The following NEK10 variants were observed in gnomAD, a reference collection of about 807,000 sequenced individuals.
NEK10 encodes serine/threonine-protein kinase Nek10.
Under a neutral mutation model 159.8 loss-of-function variants are expected in NEK10, and 122 were observed. The observed-to-expected ratio is 0.76, with a 90% confidence interval of 0.66 to 0.89. NEK10 has a LOEUF of 0.89. NEK10 is among the 40% of genes least tolerant of loss of function. The pLI is 0.00. For synonymous variants in NEK10, 466 were observed against 457.1 expected (o/e 1.02, Z -0.25); for missense variants, 1,342 against 1,323.1 (o/e 1.01, Z -0.22).
At chr3:27,286,990 G>T (rs1007775805) in intron 20 of NEK10, among the ~76,000 whole-genome samples, 10 of 151,972 alleles carry the variant, frequency 6.6e-5, no homozygotes, top group African/African-American at 2.4e-4. Context: ...CAATAGCACT[G>T]AAAAAGAGGT....
chr3:27,216,528 C>T (rs1482939477), intron 23 of NEK10: 3 of 152,224 alleles, frequency 2.0e-5, no homozygotes, highest in African/African-American at 7.2e-5. Context: ...AATTGTGATG[C>T]ATGCCTGTAC....
chr3:27,187,036 T>C (rs1029991286), intron 26 of NEK10, among the ~76,000 whole-genome samples: 13 of 152,122 alleles, frequency 8.5e-5, no homozygotes, highest in African/African-American at 2.9e-4. Context: ...GGATCAAAAA[T>C]AGTAACCCCA....
intron 30 of NEK10, chr3:27,162,404 A>G (rs1381089260): frequency 1.3e-6 from 2 of 1,593,328 alleles, no homozygotes; most frequent in South Asian, 1.1e-5. Flanking sequence ...AGGCCCAACT[A>G]TAATTCTGCA....
intron 1 of NEK10, among the ~76,000 whole-genome samples, chr3:27,360,550 C>A (rs958388043): frequency 6.6e-6 from 1 of 152,216 alleles, no homozygotes; most frequent in Admixed American, 6.5e-5. Context: ...AAGCGCACTT[C>A]ACCTTCAGGA....
At position 27,369,074 on chromosome 3, in the gene NEK10, C is replaced by T. The variant is rs2149937770; in HGVS notation, c.-38+151G>A. ...CTCACGCAGTGACTCACTTACCCAC[C>T]ACAGCCGCATTCTCTACCTCTGCCT... On this transcript the variant is annotated intron_variant, in intron 1 of 35. Transcript: ENST00000691995. The surrounding 1 kb of genome is among the most constrained non-coding windows in gnomAD (Gnocchi z 4.2). The T allele has an allele frequency of 6.6e-6, 1 of 152,570 alleles. No individual in the cohort carries two copies. Among genetic ancestry groups the T allele is most frequent in the South Asian group, 2.1e-4 (1 of 4,822 alleles). 9.5% of individuals were successfully genotyped at this position (152,570 alleles called of 1,614,324 possible).
chr3:27,276,794 T>C (rs1041384246), intron 22 of NEK10, among the ~76,000 whole-genome samples: 1 of 152,238 alleles, frequency 6.6e-6, no homozygotes, highest in African/African-American at 2.4e-5. Flanking sequence ...CACATTCTCT[T>C]CTCCTTCTGT....
intron 23 of NEK10, 37 bp downstream of exon 23, chr3:27,256,259 G>A (rs994230395): frequency 2.1e-6 from 2 of 957,872 alleles, no homozygotes; most frequent in Non-Finnish European, 3.1e-6. Flanking sequence ...AATCAGTTAA[G>A]TATGATGTTT....
chr3:27,198,941 C>G (rs1331727509), intron 25 of NEK10, among the ~76,000 whole-genome samples: 1 of 151,756 alleles, frequency 6.6e-6, no homozygotes, highest in East Asian at 1.9e-4. Flanking sequence ...GGTGTGGTGG[C>G]ACAGGCCTAC....
chr3:27,207,914 T>G (rs1950659315), intron 23 of NEK10, among the ~76,000 whole-genome samples: 2 of 152,184 alleles, frequency 1.3e-5, no homozygotes, highest in Non-Finnish European at 2.9e-5. Flanking sequence ...TAAGTCTGTG[T>G]GCCAGTAAGT....
Position 27,311,036 on chromosome 3 carries a change from C to A in NEK10, c.569-20G>T, listed in dbSNP as rs201431204. 7.2e-6 allele frequency: 11 copies of A among 1,518,738 alleles called. No homozygotes were observed. The highest frequency in any genetic ancestry group is 1.4e-5 in the African/African-American group (1 of 73,062). The allele number at this position is 1,518,738 out of a possible 1,614,324, so 94.1% of individuals were successfully genotyped here. On this transcript the variant is annotated intron_variant, in intron 8 of 35. Transcript: ENST00000691995. ...AAATATCTATAAAGGAAAGAAAGAGCGCAAAGAGGCATCCAGAGATTAAAG... is the reference window on the plus strand; with the variant it reads ...AAATATCTATAAAGGAAAGAAAGAGAGCAAAGAGGCATCCAGAGATTAAAG...
intron 28 of NEK10, among the ~76,000 whole-genome samples, chr3:27,173,946 T>C (rs1947260623): frequency 1.3e-5 from 2 of 152,196 alleles, no homozygotes; most frequent in Non-Finnish European, 2.9e-5. Context: ...AAGATTAACA[T>C]TATGGACGGA....
intron 31 of NEK10, among the ~76,000 whole-genome samples, chr3:27,139,896 G>A (rs1387717077): frequency 6.6e-6 from 1 of 152,176 alleles, no homozygotes; most frequent in Non-Finnish European, 1.5e-5. Context: ...ACATTGGAAA[G>A]GGGAGCACCA....
intron 25 of NEK10, among the ~76,000 whole-genome samples, chr3:27,199,080 A>C (rs1360207301): frequency 6.6e-6 from 1 of 150,442 alleles, no homozygotes; most frequent in East Asian, 1.9e-4. Context: ...CTCAAAAAAA[A>C]AAAAAAACAA....
chr3:27,178,035 T>C (rs1947700377), intron 26 of NEK10, among the ~76,000 whole-genome samples: 2 of 152,190 alleles, frequency 1.3e-5, no homozygotes, highest in Non-Finnish European at 2.9e-5. Flanking sequence ...ACATTCCGGA[T>C]ATCAATACGG....
At chr3:27,221,754 A>G (rs1461094267) in intron 23 of NEK10, among the ~76,000 whole-genome samples, 2 of 152,044 alleles carry the variant, frequency 1.3e-5, no homozygotes, top group Admixed American at 6.6e-5. Context: ...CCAAGAACTC[A>G]CTGCCTGGTC....
chr3:27,304,726 C>G, intron 12 of NEK10, 21 bp downstream of exon 12: 1 of 1,548,092 alleles, frequency 6.5e-7, no homozygotes, highest in Non-Finnish European at 8.9e-7. Flanking sequence ...GCAAAGTAGG[C>G]CAAAGCCCAC....
chr3:27,288,417 C>T (rs1575600491), intron 19 of NEK10, among the ~76,000 whole-genome samples: 1 of 152,090 alleles, frequency 6.6e-6, no homozygotes, highest in Non-Finnish European at 1.5e-5. Context: ...ATTTCCCACC[C>T]TTGACATCCA....
In NEK10 at chr3:27,146,738, T is replaced by A. The variant is rs534179256; in HGVS notation, c.2870-5156A>T. On this transcript the variant is annotated intron_variant, in intron 30 of 35. Coordinates refer to ENST00000691995, the MANE Select transcript of NEK10 (RefSeq NM_001394966.1). ...ATGTAGGCTAAAGAGCAAATTCAAA[T>A]GTTAATTTGAGAAGACCAGGAAGAA... is the stretch of plus-strand genomic sequence containing the variant. Among the ~76,000 whole-genome samples the A allele has an allele frequency of 2.4e-3, 363 of 152,192 alleles. 2 individuals are homozygous for A. The highest frequency in any genetic ancestry group is 4.4e-3 in the Non-Finnish European group (300 of 68,040).
chr3:27,170,269 T>C (rs780135432), intron 29 of NEK10, among the ~76,000 whole-genome samples: 23 of 152,198 alleles, frequency 1.5e-4, no homozygotes, highest in Non-Finnish European at 3.4e-4. Flanking sequence ...TCACCACTTA[T>C]ATGTGGCCCA....
Sources: gnomAD v4.1 joint callset for allele counts (sites outside exome capture counted in the v4.1 genomes callset) on GRCh38, gnomAD v4.1.1 for gene constraint, Gnocchi (gnomAD v3.1) non-coding constraint, MANE v1.5 for transcripts, NCBI Gene and HGNC (gene_info 2026-07-23, HGNC 2026-07-21) for gene names.